NBEA: variants seen among roughly 807,000 people sequenced by gnomAD.
NBEA encodes neurobeachin.
In NBEA, 44 loss-of-function variants were observed where a neutral mutation model predicts 343.4. The observed-to-expected ratio is 0.13, with a 90% confidence interval of 0.10 to 0.16. NBEA has a LOEUF of 0.16. Ranked by LOEUF, NBEA falls within the 10% of genes least tolerant of loss-of-function variation. The pLI is 1.00. For missense variants in NBEA, 2,555 were observed against 3,631.3 expected (o/e 0.70, Z 7.62); for synonymous variants, 1,175 against 1,238.7 (o/e 0.95, Z 1.08).
At chr13:35,485,550 T>C (rs755176481) in intron 41 of NBEA, among the ~76,000 whole-genome samples, 1 of 152,124 alleles carries the variant, frequency 6.6e-6, no homozygotes, top group Non-Finnish European at 1.5e-5. Flanking sequence ...TCGTAAAATA[T>C]ACTTGATCCT....
chr13:35,107,283 C>A (rs183029564), intron 11 of NBEA, among the ~76,000 whole-genome samples: 2 of 151,756 alleles, frequency 1.3e-5, no homozygotes, highest in Admixed American at 6.6e-5. Flanking sequence ...GGTTCCCCCC[C>A]CTTTATTAAC....
intron 1 of NBEA, among the ~76,000 whole-genome samples, chr13:34,979,603 A>G (rs2060290704): frequency 6.6e-6 from 1 of 152,182 alleles, no homozygotes; most frequent in Non-Finnish European, 1.5e-5. Context: ...TTAAAATGTA[A>G]GAGTTCATTA....
chr13:35,620,722 T>G (rs1371289373), intron 48 of NBEA, among the ~76,000 whole-genome samples: 2 of 152,052 alleles, frequency 1.3e-5, no homozygotes, highest in African/African-American at 4.8e-5. Context: ...GAAGGTAATT[T>G]GAGAGATGAT....
intron 4 of NBEA, among the ~76,000 whole-genome samples, chr13:35,047,164 C>T (rs1245467454): frequency 2.0e-5 from 3 of 150,706 alleles, no homozygotes; most frequent in Non-Finnish European, 3.0e-5. Context: ...TACTAAAATC[C>T]GAAAGGTTAG....
intron 2 of NBEA, among the ~76,000 whole-genome samples, chr13:35,044,105 G>T (rs1390432216): frequency 6.6e-6 from 1 of 152,094 alleles, no homozygotes; most frequent in Non-Finnish European, 1.5e-5. Flanking sequence ...TCATTATTAG[G>T]TGTGCTGGTG....
intron 10 of NBEA, among the ~76,000 whole-genome samples, chr13:35,084,003 A>G (rs1008925708): frequency 1.3e-5 from 2 of 152,170 alleles, no homozygotes; most frequent in Admixed American, 1.3e-4. Flanking sequence ...TGGTAAAGGG[A>G]TCAATTCAAC....
intron 48 of NBEA, among the ~76,000 whole-genome samples, chr13:35,622,460 T>C (rs2083035157): frequency 6.6e-6 from 1 of 152,170 alleles, no homozygotes; most frequent in Non-Finnish European, 1.5e-5. Flanking sequence ...GTAACCCATG[T>C]GGAGAGCTGT....
intron 18 of NBEA, among the ~76,000 whole-genome samples, chr13:35,149,417 AC>A (rs906017574): frequency 6.6e-6 from 1 of 152,128 alleles, no homozygotes; most frequent in Non-Finnish European, 1.5e-5. Context: ...AAACAGACAA[AC>A]TAAGACTCAC....
At chr13:35,667,652 A>T in intron 57 of NBEA, 82 bp downstream of exon 57, 1 of 1,272,992 alleles carries the variant, frequency 7.9e-7, no homozygotes, top group Non-Finnish European at 1.1e-6. Context: ...AATTCATAAT[A>T]GAATGTCTGT....
intron 1 of NBEA, among the ~76,000 whole-genome samples, chr13:35,035,761 G>A (rs1306302570): frequency 1.3e-5 from 2 of 151,800 alleles, no homozygotes; most frequent in African/African-American, 4.8e-5. Context: ...TCTTTATATA[G>A]TGACCTTCTT....
At chr13:35,442,197 G>T in intron 39 of NBEA, among the ~76,000 whole-genome samples, 1 of 151,992 alleles carries the variant, frequency 6.6e-6, no homozygotes, top group Non-Finnish European at 1.5e-5. Context: ...TTTTCTGTGT[G>T]TATTTTATCA....
chr13:35,389,289 T>C (rs1400029445), intron 38 of NBEA, among the ~76,000 whole-genome samples: 1 of 152,148 alleles, frequency 6.6e-6, no homozygotes, highest in Non-Finnish European at 1.5e-5. Flanking sequence ...TGTTGAGTGT[T>C]GCTGTCTTCT....
chr13:35,172,044 A>C (rs780736297), intron 26 of NBEA, among the ~76,000 whole-genome samples: 10 of 152,076 alleles, frequency 6.6e-5, no homozygotes, highest in Non-Finnish European at 1.5e-4. Flanking sequence ...ACATTTATTT[A>C]CACTATTTAG....
At chr13:35,059,501 A>G (rs1435703581) in intron 8 of NBEA, among the ~76,000 whole-genome samples, 3 of 151,934 alleles carry the variant, frequency 2.0e-5, no homozygotes, top group African/African-American at 4.8e-5. Flanking sequence ...TAAGGGTTCT[A>G]TTTAAATCAC....
At chr13:35,057,770 T>C (rs73167753) in intron 7 of NBEA, among the ~76,000 whole-genome samples, 2,143 of 152,214 alleles carry the variant, frequency 0.014, 18 homozygotes, top group Middle Eastern at 0.034. Context: ...CTTAGTTTTT[T>C]GGTTATTTGT....
At chr13:35,403,232 AAT>A (rs909840107) in intron 38 of NBEA, among the ~76,000 whole-genome samples, 4 of 152,012 alleles carry the variant, frequency 2.6e-5, no homozygotes, top group African/African-American at 4.8e-5. Flanking sequence ...TTTTCTTTGA[AAT>A]AGTTATTAAT....
At chr13:35,556,949 T>C (rs886068229) in intron 44 of NBEA, among the ~76,000 whole-genome samples, 1 of 152,148 alleles carries the variant, frequency 6.6e-6, no homozygotes, top group Non-Finnish European at 1.5e-5. Flanking sequence ...GTAACAGTTT[T>C]CCATATTCCC....
intron 47 of NBEA, 71 bp from the exon 48 acceptor site, chr13:35,606,348 AATAAGTT>A (rs1412732213): frequency 5.6e-6 from 4 of 718,460 alleles, no homozygotes; most frequent in South Asian, 6.5e-5. Context: ...ATTTATAGTT[AATAAGTT>A]ATAAGTTAAT....
intron 33 of NBEA, among the ~76,000 whole-genome samples, chr13:35,216,462 G>T (rs1237924418): frequency 6.6e-6 from 1 of 151,904 alleles, no homozygotes; most frequent in Non-Finnish European, 1.5e-5. Flanking sequence ...ATCCTTTACA[G>T]ATGTTTCCCA....
Sources: allele counts gnomAD v4.1 joint callset (sites outside exome capture counted in the v4.1 genomes callset), GRCh38; gene constraint gnomAD v4.1.1; transcripts MANE v1.5; gene names NCBI Gene and HGNC (gene_info 2026-07-23, HGNC 2026-07-21).